RBFOX1: variants seen among roughly 807,000 people sequenced by gnomAD.
The protein encoded by RBFOX1 is RNA binding fox-1 homolog 1, also known as RNA binding protein fox-1 homolog 1.
A neutral mutation model predicts 57.7 loss-of-function variants in RBFOX1; 8 were observed. The ratio of observed to expected loss-of-function variants is 0.14; its 90% CI spans 0.08 to 0.25. The LOEUF is 0.25. RBFOX1 is among the 10% of genes least tolerant of loss of function. The pLI is 1.00. For missense variants in RBFOX1, 611 were observed against 548.5 expected (o/e 1.11, Z -1.14); for synonymous variants, 326 against 222.4 (o/e 1.47, Z -4.15).
intron 2 of RBFOX1, among the ~76,000 whole-genome samples, chr16:6,596,213 T>C (rs2097775286): frequency 6.7e-6 from 1 of 149,746 alleles, no homozygotes; most frequent in Admixed American, 6.7e-5. Context: ...GATTTACTCC[T>C]GTTTCTTTTT....
intron 2 of RBFOX1, among the ~76,000 whole-genome samples, chr16:6,536,076 G>C (rs1167333111): frequency 6.6e-6 from 1 of 152,108 alleles, no homozygotes; most frequent in Non-Finnish European, 1.5e-5. Context: ...TCATAGCAGA[G>C]GTGATACAGG....
At chr16:7,339,405 T>A (rs1376988382) in intron 4 of RBFOX1, among the ~76,000 whole-genome samples, 1 of 152,174 alleles carries the variant, frequency 6.6e-6, no homozygotes, top group Non-Finnish European at 1.5e-5. Flanking sequence ...TTATTCTGTA[T>A]TATTCTGGAG....
intron 4 of RBFOX1, among the ~76,000 whole-genome samples, chr16:7,207,029 C>A (rs1173096598): frequency 2.0e-5 from 3 of 152,144 alleles, no homozygotes; most frequent in Non-Finnish European, 2.9e-5. Flanking sequence ...CATGCTTCAT[C>A]CTGGCAACTT....
chr16:7,207,887 A>T (rs1465723775), intron 4 of RBFOX1, among the ~76,000 whole-genome samples: 1 of 152,188 alleles, frequency 6.6e-6, no homozygotes, highest in Non-Finnish European at 1.5e-5. Flanking sequence ...ATAAATGGTG[A>T]CAGTGAGAGT....
At chr16:5,811,839 A>T (rs1370410006) in intron 3 of RBFOX1, among the ~76,000 whole-genome samples, 1 of 152,188 alleles carries the variant, frequency 6.6e-6, no homozygotes, top group African/African-American at 2.4e-5. Context: ...ATAGATCTTG[A>T]CTGAATTTAT....
At chr16:6,386,276 A>C (rs2152925112) in intron 2 of RBFOX1, among the ~76,000 whole-genome samples, 1 of 152,262 alleles carries the variant, frequency 6.6e-6, no homozygotes, top group African/African-American at 2.4e-5. Context: ...GGTCAAACTT[A>C]CTGCAGCTTA....
chr16:5,814,682 A>G (rs1328142898), intron 3 of RBFOX1, among the ~76,000 whole-genome samples: 1 of 152,032 alleles, frequency 6.6e-6, no homozygotes, highest in Non-Finnish European at 1.5e-5. Context: ...TAATCCCAGC[A>G]CTTTGGGAGG....
intron 2 of RBFOX1, among the ~76,000 whole-genome samples, chr16:6,503,170 T>G (rs1331601195): frequency 6.6e-6 from 1 of 151,526 alleles, no homozygotes; most frequent in Non-Finnish European, 1.5e-5. Context: ...TACCAATTTA[T>G]TATATGTGAT....
At position 6,019,538 on chromosome 16, in the gene RBFOX1, G is replaced by T. The variant is rs928896476; in HGVS notation, c.-581G>T. On this transcript the variant is annotated 5_prime_UTR_variant, in exon 1 of 16. Coordinates refer to ENST00000550418, the MANE Select transcript of RBFOX1 (RefSeq NM_018723.4). This position sits in a 1 kb window ranked among gnomAD's most constrained non-coding sequence, Gnocchi z 4.2. Reference sequence around the variant, plus strand: ...GGGGCGGGGGCGCTCTGCCAGCCCCGGGAACAGCAGAGGCGGCGGCACTGG... The same window carrying T: ...GGGGCGGGGGCGCTCTGCCAGCCCCTGGAACAGCAGAGGCGGCGGCACTGG... The T allele has an allele frequency of 3.7e-6, 4 of 1,088,696 alleles. No homozygotes were observed. In the East Asian group the frequency reaches 2.2e-4, roughly 59 times the overall value. 67.4% of individuals were successfully genotyped at this position (1,088,696 alleles called of 1,614,324 possible). A position where few individuals can be genotyped will look rare whatever the true frequency, so the allele number is the denominator to read the frequency against.
chr16:7,465,317 C>G (rs1162639963), intron 4 of RBFOX1, among the ~76,000 whole-genome samples: 2 of 152,210 alleles, frequency 1.3e-5, no homozygotes, highest in Non-Finnish European at 2.9e-5. Flanking sequence ...CCTGCCTTCT[C>G]GTGTTGGGTG....
At chr16:6,699,044 G>T (rs1402770353) in intron 3 of RBFOX1, among the ~76,000 whole-genome samples, 2 of 152,164 alleles carry the variant, frequency 1.3e-5, no homozygotes, top group East Asian at 3.9e-4. Context: ...GGGTGTTTCT[G>T]TTATTACCTT....
chr16:5,732,099 T>A (rs2052395511), intron 3 of RBFOX1, among the ~76,000 whole-genome samples: 1 of 152,228 alleles, frequency 6.6e-6, no homozygotes, highest in African/African-American at 2.4e-5. Context: ...TCCCATTGGT[T>A]ATTTATCCAC....
chr16:5,574,183 A>T (rs1166500388), intron 2 of RBFOX1, among the ~76,000 whole-genome samples: 2 of 152,124 alleles, frequency 1.3e-5, no homozygotes, highest in Non-Finnish European at 2.9e-5. Flanking sequence ...CATCGAGTTC[A>T]TTGGTTTCAT....
chr16:6,996,738 A>G (rs2092285951), intron 3 of RBFOX1, among the ~76,000 whole-genome samples: 1 of 152,124 alleles, frequency 6.6e-6, no homozygotes, highest in African/African-American at 2.4e-5. Flanking sequence ...ATGCTTTGCA[A>G]TTTTTGAGCA....
At chr16:6,042,830 C>T (rs892955) in intron 1 of RBFOX1, among the ~76,000 whole-genome samples, 38,160 of 151,712 alleles carry the variant, frequency 0.25, 5,373 homozygotes, top group Non-Finnish European at 0.32. Flanking sequence ...AAGTAGCCTG[C>T]GGCTTACAGA....
At chr16:7,465,997 C>T (rs544380781) in intron 4 of RBFOX1, among the ~76,000 whole-genome samples, 41 of 152,136 alleles carry the variant, frequency 2.7e-4, no homozygotes, top group Admixed American at 6.5e-4. Context: ...TCTCATCGTT[C>T]CAGTTTTAAG....
chr16:6,239,415 A>G (rs763317022), intron 1 of RBFOX1, among the ~76,000 whole-genome samples: 1 of 150,018 alleles, frequency 6.7e-6, no homozygotes, highest in East Asian at 2.0e-4. Flanking sequence ...TACCCGTCCC[A>G]TGGCACTCAT....
At chr16:7,348,683 T>C (rs1603626529) in intron 4 of RBFOX1, among the ~76,000 whole-genome samples, 1 of 152,228 alleles carries the variant, frequency 6.6e-6, no homozygotes, top group East Asian at 1.9e-4. Context: ...GGCTCACGCC[T>C]AGAATCCCAG....
chr16:6,701,202 T>TTG (rs1235784360), intron 3 of RBFOX1, among the ~76,000 whole-genome samples: 3 of 152,092 alleles, frequency 2.0e-5, no homozygotes, highest in Non-Finnish European at 4.4e-5. Flanking sequence ...CCTACCTCTC[T>TTG]CAGTCATTGG....
Sources: gnomAD v4.1 joint callset for allele counts (sites outside exome capture counted in the v4.1 genomes callset) on GRCh38, gnomAD v4.1.1 for gene constraint, Gnocchi (gnomAD v3.1) non-coding constraint, MANE v1.5 for transcripts, NCBI Gene and HGNC (gene_info 2026-07-23, HGNC 2026-07-21) for gene names.